The following CDK6 variants were observed in gnomAD, a reference collection of about 807,000 sequenced individuals.
The protein encoded by CDK6 is cyclin-dependent kinase 6.
A neutral mutation model predicts 37.1 loss-of-function variants in CDK6; 6 were observed. That is an observed-to-expected ratio of 0.16 (90% CI 0.09 to 0.32). The LOEUF (loss-of-function observed/expected upper bound fraction) is 0.32, where lower values mean the gene tolerates loss of function less well. CDK6 is among the 10% of genes least tolerant of loss of function. The probability of loss-of-function intolerance (pLI) is 1.00; values close to 1 mark genes in which losing one functional copy is unlikely to be tolerated. For synonymous variants in CDK6, 160 were observed against 161.3 expected (o/e 0.99, Z 0.06); for missense variants, 224 against 418.9 (o/e 0.53, Z 4.06).
intron 4 of CDK6, among the ~76,000 whole-genome samples, chr7:92,708,219 A>T (rs1798009086): frequency 6.6e-6 from 1 of 152,232 alleles, no homozygotes; most frequent in African/African-American, 2.4e-5. Flanking sequence ...AAATGAATGG[A>T]TGAGGTGAAC....
intron 5 of CDK6, among the ~76,000 whole-genome samples, chr7:92,665,218 GAATTT>G (rs1562929159): frequency 6.6e-6 from 1 of 152,092 alleles, no homozygotes; most frequent in Non-Finnish European, 1.5e-5. Context: ...TTAATACTGT[GAATTT>G]ATTTTGCTGT....
intron 5 of CDK6, among the ~76,000 whole-genome samples, chr7:92,647,437 A>C (rs983233978): frequency 3.3e-5 from 5 of 152,186 alleles, no homozygotes; most frequent in Non-Finnish European, 7.3e-5. Flanking sequence ...AGGTGAGTTG[A>C]GGAGGTGAGT....
At chr7:92,641,617 C>G (rs1480076383) in intron 5 of CDK6, among the ~76,000 whole-genome samples, 2 of 152,142 alleles carry the variant, frequency 1.3e-5, no homozygotes, top group Non-Finnish European at 2.9e-5. Context: ...ATAATACATA[C>G]TATTTAAAAA....
At chr7:92,764,869 G>T (rs943689097) in intron 3 of CDK6, among the ~76,000 whole-genome samples, 1 of 152,162 alleles carries the variant, frequency 6.6e-6, no homozygotes, top group Non-Finnish European at 1.5e-5. Flanking sequence ...ATAACTGATG[G>T]ATACCTACTT....
chr7:92,763,066 T>C (rs1799496924), intron 3 of CDK6, among the ~76,000 whole-genome samples: 1 of 152,238 alleles, frequency 6.6e-6, no homozygotes, highest in Admixed American at 6.5e-5. Context: ...AAATATTTTC[T>C]TTGGTTTTGG....
chr7:92,636,709 A>G (rs1368442947), intron 5 of CDK6, among the ~76,000 whole-genome samples: 2 of 152,216 alleles, frequency 1.3e-5, no homozygotes, highest in Non-Finnish European at 2.9e-5. Context: ...CGGAGTGCCC[A>G]GGCTGGAGTG....
chr7:92,625,392 GGGGTCACTAAATATTGC>G (rs1795903088), intron 5 of CDK6, among the ~76,000 whole-genome samples: 1 of 151,886 alleles, frequency 6.6e-6, no homozygotes, highest in African/African-American at 2.4e-5. Flanking sequence ...TCTTTCCTCT[GGGGTCACTAAATATTGC>G]TTACATGTTA....
intron 3 of CDK6, among the ~76,000 whole-genome samples, chr7:92,737,347 T>C (rs1312277937): frequency 1.3e-5 from 2 of 152,224 alleles, no homozygotes; most frequent in African/African-American, 2.4e-5. Context: ...AAATGTTATG[T>C]GGTCTGTTCT....
At position 92,712,927 on chromosome 7, in the gene CDK6, G is replaced by A. The variant is rs146830871; in HGVS notation, c.537+12699C>T. Among the ~76,000 whole-genome samples the A allele has an allele frequency of 3.0e-3, 452 of 152,200 alleles. 4 individuals are homozygous for A. Among genetic ancestry groups the A allele is most frequent in the African/African-American group, 0.01 (423 of 41,514 alleles). On this transcript the variant is annotated intron_variant, in intron 4 of 7. Transcript: ENST00000424848. Reference sequence around the variant, plus strand: ...CTCACTCTGTTGCCCAGGCTGGAGTGATCTTGGCTCACTGCAACCTCCGCC... The same window carrying A: ...CTCACTCTGTTGCCCAGGCTGGAGTAATCTTGGCTCACTGCAACCTCCGCC...
At chr7:92,695,884 A>G (rs1052600629) in intron 4 of CDK6, among the ~76,000 whole-genome samples, 1 of 152,208 alleles carries the variant, frequency 6.6e-6, no homozygotes, top group Non-Finnish European at 1.5e-5. Context: ...TGTGCACTGG[A>G]GCTGCACAAA....
chr7:92,697,977 C>G (rs557889262), intron 4 of CDK6, among the ~76,000 whole-genome samples: 1 of 152,254 alleles, frequency 6.6e-6, no homozygotes, highest in South Asian at 2.1e-4. Context: ...GATCCATATT[C>G]TCATCATTCC....
Position 92,815,060 on chromosome 7 carries a change from A to G in CDK6, c.233+18031T>C, listed in dbSNP as rs539781090. Reference sequence around the variant, plus strand: ...GAAGCAGAAGCTGGACTACGAGTCAACAGGTGCAATGGAAAAAGGGAGGAA... The same window carrying G: ...GAAGCAGAAGCTGGACTACGAGTCAGCAGGTGCAATGGAAAAAGGGAGGAA... On this transcript the variant is annotated intron_variant, in intron 2 of 7. Coordinates refer to ENST00000424848, the MANE Select transcript of CDK6 (RefSeq NM_001145306.2). 3.5e-4 allele frequency among the ~76,000 whole-genome samples: 54 copies of G among 152,346 alleles called. 1 individual carries two copies. The highest frequency in any genetic ancestry group is 1.2e-3 in the African/African-American group (51 of 41,590).
At chr7:92,703,253 A>G (rs1433517679) in intron 4 of CDK6, among the ~76,000 whole-genome samples, 2 of 152,082 alleles carry the variant, frequency 1.3e-5, no homozygotes, top group Non-Finnish European at 2.9e-5. Context: ...AAAACACCAG[A>G]TGACCATATT....
chr7:92,717,078 AG>A (rs1798244734), intron 4 of CDK6, among the ~76,000 whole-genome samples: 1 of 152,126 alleles, frequency 6.6e-6, no homozygotes, highest in Non-Finnish European at 1.5e-5. Context: ...CAGGCATGGT[AG>A]CTCATGTCTG....
intron 5 of CDK6, among the ~76,000 whole-genome samples, chr7:92,635,051 T>C (rs1460634239): frequency 6.6e-6 from 1 of 152,156 alleles, no homozygotes; most frequent in Admixed American, 6.5e-5. Flanking sequence ...AAAGAAATAA[T>C]GTGCAGTAAG....
chr7:92,809,675 G>GGTC (rs1278170786), intron 2 of CDK6, among the ~76,000 whole-genome samples: 1 of 152,198 alleles, frequency 6.6e-6, no homozygotes, highest in East Asian at 1.9e-4. Flanking sequence ...CTTAGATTGT[G>GGTC]ACCATCTTAA....
chr7:92,774,646 A>AGACT (rs1334499727), intron 3 of CDK6, 50 bp downstream of exon 3: 3 of 1,472,644 alleles, frequency 2.0e-6, no homozygotes, highest in Non-Finnish European at 2.7e-6. Flanking sequence ...ATTGCTTAAC[A>AGACT]GACTATAATA....
In CDK6 at chr7:92,671,551, G is replaced by C. The variant is rs1300254434; in HGVS notation, c.538-16C>G. On this transcript the variant is annotated splice_polypyrimidine_tract_variant and intron_variant, in intron 4 of 7. Transcript: ENST00000424848. ...GCGTGACGACCTGCAATGGCAAGCGGATCCAAGTGTTACTGAGAAGGTGGC... is the reference window on the plus strand; with the variant it reads ...GCGTGACGACCTGCAATGGCAAGCGCATCCAAGTGTTACTGAGAAGGTGGC... 1 of 1,495,296 alleles carries C rather than the reference G, an allele frequency of 6.7e-7. No homozygotes were observed. The highest frequency in any genetic ancestry group is 1.4e-5 in the African/African-American group (1 of 70,392). The allele number at this position is 1,495,296 out of a possible 1,614,324, so 92.6% of individuals were successfully genotyped here. A position where few individuals can be genotyped will look rare whatever the true frequency, so the allele number is the denominator to read the frequency against.
chr7:92,715,614 G>A (rs907558621), intron 4 of CDK6, among the ~76,000 whole-genome samples: 6 of 152,208 alleles, frequency 3.9e-5, no homozygotes, highest in Non-Finnish European at 8.8e-5. Flanking sequence ...GGAGCAATAA[G>A]AGGAATGGTT....
Sources: allele counts gnomAD v4.1 joint callset (sites outside exome capture counted in the v4.1 genomes callset), GRCh38; gene constraint gnomAD v4.1.1; transcripts MANE v1.5; gene names NCBI Gene and HGNC (gene_info 2026-07-23, HGNC 2026-07-21).